L3MBTL4: variants seen among roughly 807,000 people sequenced by gnomAD.
L3MBTL4 encodes lethal(3)malignant brain tumor-like protein 4.
In L3MBTL4, 70 loss-of-function variants were observed where a neutral mutation model predicts 84.5. The ratio of observed to expected loss-of-function variants is 0.83; its 90% confidence interval spans 0.68 to 1.01. L3MBTL4 has a LOEUF of 1.01. Ranked by LOEUF, L3MBTL4 falls within the 50% of genes least tolerant of loss-of-function variation. L3MBTL4 has a pLI of 0.00. For missense variants in L3MBTL4, 715 were observed against 754.8 expected (o/e 0.95, Z 0.62); for synonymous variants, 274 against 259.8 (o/e 1.05, Z -0.52).
intron 15 of L3MBTL4, among the ~76,000 whole-genome samples, chr18:6,084,559 C>T (rs2058195324): frequency 6.6e-6 from 1 of 152,194 alleles, no homozygotes; most frequent in African/African-American, 2.4e-5. Context: ...TCTGACTCTT[C>T]TATTTTTAGG....
At chr18:6,410,247 T>C (rs1464963208) in intron 1 of L3MBTL4, among the ~76,000 whole-genome samples, 1 of 152,256 alleles carries the variant, frequency 6.6e-6, no homozygotes, top group Non-Finnish European at 1.5e-5. Context: ...TTCCTTTTGC[T>C]TCCATTCCCC....
rs751856609 is a variant in L3MBTL4, at chr18:6,241,407, GC to G, written c.502del (p.Ala168ProfsTer29). On this transcript the variant is annotated frameshift_variant, in exon 8 of 19. Transcript: ENST00000317931. LOFTEE classifies it high-confidence loss of function. Reference protein sequence around the residue: ...DKFVWMDYLKACKLQNAPKKL... With the variant: ...DKFVWMDYLKXCKLQNAPKKL... ...CTTTGGAGCATTTTGCAATTTGCAG[GC>G]CTTCAAGTAATCCATCCAAACAAAT... 6.2e-7 allele frequency: 1 copy of G among 1,604,816 alleles called. No individual in the cohort carries two copies. Among genetic ancestry groups the G allele is most frequent in the Non-Finnish European group, 8.5e-7 (1 of 1,174,752 alleles).
At chr18:6,169,185 GC>G (rs2043838267) in intron 13 of L3MBTL4, among the ~76,000 whole-genome samples, 1 of 152,200 alleles carries the variant, frequency 6.6e-6, no homozygotes, top group African/African-American at 2.4e-5. Flanking sequence ...AAAAACAGGT[GC>G]TGGAGAGGAT....
intron 14 of L3MBTL4, among the ~76,000 whole-genome samples, chr18:6,114,529 A>T (rs2059298510): frequency 6.6e-6 from 1 of 152,080 alleles, no homozygotes; most frequent in African/African-American, 2.4e-5. Flanking sequence ...TCCCTTTATC[A>T]TTTCTTGTAG....
At chr18:6,204,287 G>A (rs1223254870) in intron 12 of L3MBTL4, among the ~76,000 whole-genome samples, 5 of 152,214 alleles carry the variant, frequency 3.3e-5, no homozygotes, top group African/African-American at 9.7e-5. Context: ...TCTAGATGGA[G>A]TCCTGGGCTG....
At chr18:6,302,470 T>C (rs1217339452) in intron 3 of L3MBTL4, among the ~76,000 whole-genome samples, 1 of 152,158 alleles carries the variant, frequency 6.6e-6, no homozygotes, top group Non-Finnish European at 1.5e-5. Context: ...TGATGAACAA[T>C]ACAAGCACAC....
intron 14 of L3MBTL4, among the ~76,000 whole-genome samples, chr18:6,109,621 C>A (rs1182622740): frequency 6.6e-6 from 1 of 152,102 alleles, no homozygotes; most frequent in Non-Finnish European, 1.5e-5. Context: ...TGTGGAGCCC[C>A]TGGCTAAACA....
chr18:6,169,372 A>G (rs2043848869), intron 13 of L3MBTL4, among the ~76,000 whole-genome samples: 1 of 152,220 alleles, frequency 6.6e-6, no homozygotes, highest in Non-Finnish European at 1.5e-5. Context: ...ATAAAGACAC[A>G]TGCACATGTA....
chr18:6,302,107 G>A, intron 3 of L3MBTL4, 150 bp from the exon 4 acceptor site: 1 of 734,056 alleles, frequency 1.4e-6, no homozygotes, highest in Non-Finnish European at 2.5e-6. Context: ...CTTCCGGTGG[G>A]TGCCCAGGAG....
At chr18:6,147,263 A>G (rs1338160287) in intron 13 of L3MBTL4, among the ~76,000 whole-genome samples, 2 of 152,080 alleles carry the variant, frequency 1.3e-5, no homozygotes, top group Non-Finnish European at 2.9e-5. Context: ...AATGCAAATA[A>G]TAAGCATTAT....
chr18:6,190,565 C>G (rs531948991), intron 12 of L3MBTL4, among the ~76,000 whole-genome samples: 79 of 152,244 alleles, frequency 5.2e-4, no homozygotes, highest in African/African-American at 1.8e-3. Flanking sequence ...TTCATTTAAG[C>G]CACAAATATT....
chr18:6,236,882 C>T (rs540956288), intron 10 of L3MBTL4, among the ~76,000 whole-genome samples: 56 of 151,978 alleles, frequency 3.7e-4, no homozygotes, highest in Non-Finnish European at 7.2e-4. Flanking sequence ...ATATTTAAGG[C>T]GAAAACATTA....
At chr18:6,307,068 G>A (rs866646479) in intron 3 of L3MBTL4, among the ~76,000 whole-genome samples, 2 of 152,066 alleles carry the variant, frequency 1.3e-5, no homozygotes, top group Non-Finnish European at 2.9e-5. Context: ...AAGGGGCCCA[G>A]ATAATTCCCA....
At chr18:6,330,015 G>GTA (rs2051943610) in intron 1 of L3MBTL4, among the ~76,000 whole-genome samples, 1 of 152,122 alleles carries the variant, frequency 6.6e-6, no homozygotes, top group South Asian at 2.1e-4. Flanking sequence ...CTTTCCTCTT[G>GTA]TATAGTATTG....
At chr18:6,031,935 A>G (rs1007877254) in intron 16 of L3MBTL4, 3 of 708,220 alleles carry the variant, frequency 4.2e-6, no homozygotes, top group Non-Finnish European at 5.2e-6. Flanking sequence ...TGTGGTTTGT[A>G]CCCATTAAAA....
At chr18:6,223,745 C>T (rs2046660081) in intron 10 of L3MBTL4, among the ~76,000 whole-genome samples, 1 of 152,154 alleles carries the variant, frequency 6.6e-6, no homozygotes, top group Non-Finnish European at 1.5e-5. Context: ...TAATAAGCTA[C>T]CTCCAAGTTT....
chr18:6,391,524 G>A (rs752091292), intron 1 of L3MBTL4, among the ~76,000 whole-genome samples: 4 of 152,004 alleles, frequency 2.6e-5, no homozygotes, highest in Non-Finnish European at 5.9e-5. Flanking sequence ...ATCCAGATTG[G>A]AAAAGAGGGA....
chr18:6,069,952 T>G (rs997342965), intron 16 of L3MBTL4, among the ~76,000 whole-genome samples: 9 of 152,094 alleles, frequency 5.9e-5, no homozygotes, highest in Admixed American at 2.0e-4. Flanking sequence ...AATAGCAGTT[T>G]GGAGACAGCT....
At chr18:6,142,823 A>G (rs906576631) in intron 13 of L3MBTL4, among the ~76,000 whole-genome samples, 2 of 152,278 alleles carry the variant, frequency 1.3e-5, no homozygotes, top group South Asian at 2.1e-4. Flanking sequence ...TCTGAAGGCT[A>G]AAATGGGAGG....
Sources: allele counts gnomAD v4.1 joint callset (sites outside exome capture counted in the v4.1 genomes callset), GRCh38; gene constraint gnomAD v4.1.1; transcripts MANE v1.5; gene names NCBI Gene and HGNC (gene_info 2026-07-23, HGNC 2026-07-21).